The following ZHX2 variants were observed in gnomAD, a reference collection of about 807,000 sequenced individuals.
ZHX2 encodes the protein zinc fingers and homeoboxes protein 2.
In ZHX2, 6 loss-of-function variants were observed where a neutral mutation model predicts 21.9. That is an observed-to-expected ratio of 0.27 (90% confidence interval 0.15 to 0.54). The LOEUF (loss-of-function observed/expected upper bound fraction) is 0.54, where lower values mean the gene tolerates loss of function less well. Ranked by LOEUF, ZHX2 falls within the 20% of genes least tolerant of loss-of-function variation. The pLI, the probability that ZHX2 is intolerant of heterozygous loss-of-function variation, is 0.95. For missense variants in ZHX2, 908 were observed against 1,090.7 expected (o/e 0.83, Z 2.36); for synonymous variants, 434 against 437.1 (o/e 0.99, Z 0.09).
intron 1 of ZHX2, among the ~76,000 whole-genome samples, chr8:122,850,636 T>C (rs919838800): frequency 4.0e-5 from 3 of 74,250 alleles, no homozygotes; most frequent in African/African-American, 1.7e-4. Context: ...CGAGACTCTG[T>C]CTCAAAAAAA....
In ZHX2 at chr8:122,839,407, C is replaced by T. The variant is rs139032172; in HGVS notation, c.-282-24070C>T. On this transcript the variant is annotated intron_variant, in intron 1 of 3. Coordinates refer to ENST00000314393, the MANE Select transcript of ZHX2 (RefSeq NM_014943.5). The stretch of plus-strand genomic sequence containing the variant: ...GTGACTTCCATGTGTTTTCCACCCT[C>T]GGTGTGAAGTGGCAGAGGCCTGCCC... Among the ~76,000 whole-genome samples, 11 of 152,280 alleles carry T rather than the reference C, an allele frequency of 7.2e-5. No individual in the cohort carries two copies. The East Asian group carries it at 1.9e-3, about 27-fold the overall frequency.
At chr8:122,931,615 A>C (rs1168038032) in intron 2 of ZHX2, among the ~76,000 whole-genome samples, 1 of 152,116 alleles carries the variant, frequency 6.6e-6, no homozygotes, top group Non-Finnish European at 1.5e-5. Flanking sequence ...TCACATATGT[A>C]CCCAGTCATT....
chr8:122,897,763 T>C (rs1820134753), intron 2 of ZHX2, among the ~76,000 whole-genome samples: 1 of 151,788 alleles, frequency 6.6e-6, no homozygotes, highest in Non-Finnish European at 1.5e-5. Context: ...GCCTCTTGCC[T>C]CATGCCCAGT....
chr8:122,783,802 T>A (rs1817339596), intron 1 of ZHX2, among the ~76,000 whole-genome samples: 1 of 152,210 alleles, frequency 6.6e-6, no homozygotes, highest in African/African-American at 2.4e-5. Flanking sequence ...TATGTAAAGC[T>A]GTATACACAG....
chr8:122,929,800 T>C (rs921100575), intron 2 of ZHX2, among the ~76,000 whole-genome samples: 3 of 152,144 alleles, frequency 2.0e-5, no homozygotes, highest in African/African-American at 7.2e-5. Flanking sequence ...ATCTATGGAG[T>C]ACACAGGTTA....
At chr8:122,864,769 G>A (rs1819245897) in intron 2 of ZHX2, among the ~76,000 whole-genome samples, 1 of 152,142 alleles carries the variant, frequency 6.6e-6, no homozygotes, top group Admixed American at 6.5e-5. Flanking sequence ...GCCAAAACCT[G>A]GCCCACTGAG....
At chr8:122,902,690 G>C (rs1013086502) in intron 2 of ZHX2, among the ~76,000 whole-genome samples, 6 of 152,126 alleles carry the variant, frequency 3.9e-5, no homozygotes, top group African/African-American at 1.4e-4. Context: ...GATGATCATA[G>C]TATTTACCCC....
At chr8:122,917,468 C>T (rs541328152) in intron 2 of ZHX2, among the ~76,000 whole-genome samples, 36 of 152,298 alleles carry the variant, frequency 2.4e-4, no homozygotes, top group African/African-American at 7.7e-4. Flanking sequence ...TCTCCCCACC[C>T]CATGTTACTT....
At chr8:122,971,288 C>CTTT (rs11409501) in intron 3 of ZHX2, among the ~76,000 whole-genome samples, 2 of 136,836 alleles carry the variant, frequency 1.5e-5, no homozygotes, top group Admixed American at 7.3e-5. Context: ...CCTGAGCTTC[C>CTTT]TTTTTTTTTT....
intron 2 of ZHX2, among the ~76,000 whole-genome samples, chr8:122,950,608 G>T (rs983412218): frequency 2.8e-4 from 43 of 152,028 alleles, no homozygotes; most frequent in African/African-American, 9.7e-4. Flanking sequence ...AAGTCCAATG[G>T]CTGAACGTAT....
intron 1 of ZHX2, among the ~76,000 whole-genome samples, chr8:122,792,599 G>T (rs1402201775): frequency 6.6e-6 from 1 of 152,188 alleles, no homozygotes; most frequent in East Asian, 1.9e-4. Flanking sequence ...AGCAGAGTAT[G>T]AGAGAGTTCT....
intron 1 of ZHX2, among the ~76,000 whole-genome samples, chr8:122,811,496 A>G (rs1355539613): frequency 1.3e-5 from 2 of 152,246 alleles, no homozygotes; most frequent in African/African-American, 4.8e-5. Context: ...CCCTGCATCC[A>G]CGCCATGGAA....
intron 1 of ZHX2, among the ~76,000 whole-genome samples, chr8:122,858,638 CTTTTT>C (rs34399149): frequency 1.2e-5 from 1 of 82,736 alleles, no homozygotes; most frequent in African/African-American, 4.3e-5. Flanking sequence ...TTCTTTCTTT[CTTTTT>C]TTTTTTTTTT....
At chr8:122,827,678 T>C (rs180692996) in intron 1 of ZHX2, among the ~76,000 whole-genome samples, 1 of 152,146 alleles carries the variant, frequency 6.6e-6, no homozygotes, top group Non-Finnish European at 1.5e-5. Flanking sequence ...AAGGAGAGAA[T>C]CTGTACATAA....
chr8:122,797,885 G>A (rs1052501557), intron 1 of ZHX2, among the ~76,000 whole-genome samples: 29 of 152,214 alleles, frequency 1.9e-4, no homozygotes, highest in African/African-American at 6.3e-4. Flanking sequence ...CAATAGTCAC[G>A]CTAATGGCTG....
At chr8:122,959,566 C>T (rs1393575198) in intron 3 of ZHX2, among the ~76,000 whole-genome samples, 9 of 152,126 alleles carry the variant, frequency 5.9e-5, no homozygotes, top group Admixed American at 4.6e-4. Flanking sequence ...GTTTATTGAA[C>T]GAACCAGAGA....
At position 122,953,236 on chromosome 8, in the gene ZHX2, T is replaced by A. The variant is rs565176383; in HGVS notation, c.1726T>A (p.Trp576Arg). The change falls in exon 3 of 4, where the codon TGG (tryptophan) becomes AGG (arginine). Residue 576 changes from tryptophan (W) to arginine (R), a missense_variant. Around this residue, in one of 4 missense-constraint regions of ZHX2, gnomAD observed 431 missense variants for 428.6 expected, o/e 1.01. Coordinates refer to ENST00000314393, the MANE Select transcript of ZHX2 (RefSeq NM_014943.5). This position sits in a 1 kb window ranked among gnomAD's most constrained non-coding sequence, Gnocchi z 4.6. ...TKLSRREIDS[W>R]FSERRKLRDS... ...GCTGAGCAGGAGAGAGATCGACTCC[T>A]GGTTCTCGGAGAGGCGGAAGCTTCG... The A allele has an allele frequency of 1.2e-6, 2 of 1,613,954 alleles. No homozygotes were observed. The highest frequency in any genetic ancestry group is 2.2e-5 in the South Asian group (2 of 91,072).
In ZHX2 at chr8:122,953,854, AGC is replaced by A. The variant is rs775757506; in HGVS notation, c.2346_2347del (p.Ser782ArgfsTer25). ...SEGSSRDGQG[S>X]DENEESSVVD... ...GGGCAGCAGCCGGGACGGCCAGGGT[AGC>A]GACGAGAACGAGGAGTCGAGCGTTG... On this transcript the variant is annotated frameshift_variant, in exon 3 of 4. Coordinates refer to ENST00000314393, the MANE Select transcript of ZHX2 (RefSeq NM_014943.5). LOFTEE classifies it low-confidence loss of function (END_TRUNC). This position sits in a 1 kb window ranked among gnomAD's most constrained non-coding sequence, Gnocchi z 4.6. 5 of 1,614,098 alleles carry A rather than the reference AGC, an allele frequency of 3.1e-6. No individual in the cohort carries two copies. The highest frequency in any genetic ancestry group is 1.3e-5 in the African/African-American group (1 of 74,950).
intron 2 of ZHX2, among the ~76,000 whole-genome samples, chr8:122,866,999 T>C (rs1206763773): frequency 6.6e-6 from 1 of 151,414 alleles, no homozygotes; most frequent in Non-Finnish European, 1.5e-5. Flanking sequence ...ATTTTTTTTT[T>C]TTTTTGTATT....
Sources: allele counts gnomAD v4.1 joint callset (sites outside exome capture counted in the v4.1 genomes callset), GRCh38; gene constraint gnomAD v4.1.1; regional missense constraint gnomAD v4.1.1; non-coding constraint Gnocchi (gnomAD v3.1); transcripts MANE v1.5; gene names NCBI Gene and HGNC (gene_info 2026-07-23, HGNC 2026-07-21).